The following KCNK10 variants were observed in gnomAD, a reference collection of about 807,000 sequenced individuals.
KCNK10 encodes potassium two pore domain channel subfamily K member 10.
A neutral mutation model predicts 47.7 loss-of-function variants in KCNK10; 25 were observed. That is an observed-to-expected ratio of 0.52 (90% CI 0.38 to 0.73). The LOEUF (loss-of-function observed/expected upper bound fraction) is 0.73, where lower values mean the gene tolerates loss of function less well. KCNK10 is among the 30% of genes least tolerant of loss of function. The pLI is 0.00. For synonymous variants in KCNK10, 303 were observed against 285.6 expected, an observed-to-expected ratio of 1.06 and a Z score of -0.61; for missense variants, 563 against 714.5, an observed-to-expected ratio of 0.79 and a Z score of 2.42.
intron 1 of KCNK10, among the ~76,000 whole-genome samples, chr14:88,294,348 T>C (rs8003176): frequency 0.21 from 32,005 of 152,280 alleles, 4,051 homozygotes; most frequent in East Asian, 0.53. Context: ...CTGCAGCCTT[T>C]GGCAGCCACC....
chr14:88,308,009 GA>G (rs1208118050), intron 1 of KCNK10, among the ~76,000 whole-genome samples: 1 of 152,172 alleles, frequency 6.6e-6, no homozygotes, highest in Admixed American at 6.5e-5. Flanking sequence ...CAGACACAGA[GA>G]GGTAAGTTAG....
chr14:88,204,421 C>T (rs1371539902), intron 4 of KCNK10, among the ~76,000 whole-genome samples: 1 of 152,122 alleles, frequency 6.6e-6, no homozygotes, highest in Non-Finnish European at 1.5e-5. Flanking sequence ...GGAATGTTTG[C>T]CAAAGGTGGC....
intron 4 of KCNK10, among the ~76,000 whole-genome samples, chr14:88,221,335 C>T (rs899692712): frequency 2.9e-4 from 33 of 113,104 alleles, no homozygotes; most frequent in Non-Finnish European, 4.7e-4. Context: ...TAATACATTA[C>T]ACATTATACA....
At chr14:88,244,018 C>G (rs1396502721) in intron 2 of KCNK10, among the ~76,000 whole-genome samples, 1 of 152,082 alleles carries the variant, frequency 6.6e-6, no homozygotes, top group Middle Eastern at 3.4e-3. Context: ...CACTGATGAT[C>G]TGAACTAACT....
intron 1 of KCNK10, among the ~76,000 whole-genome samples, chr14:88,282,356 T>C (rs954986269): frequency 2.0e-5 from 3 of 152,080 alleles, no homozygotes; most frequent in Non-Finnish European, 4.4e-5. Flanking sequence ...TTACAAGAGG[T>C]TCTCTGGAAG....
intron 1 of KCNK10, among the ~76,000 whole-genome samples, chr14:88,320,081 T>G (rs1206091995): frequency 2.0e-5 from 3 of 152,144 alleles, no homozygotes; most frequent in Non-Finnish European, 4.4e-5. Context: ...TGGGAATAAC[T>G]GTGCACAAAG....
intron 1 of KCNK10, among the ~76,000 whole-genome samples, chr14:88,275,585 A>G (rs986256130): frequency 1.1e-4 from 17 of 151,020 alleles, no homozygotes; most frequent in Admixed American, 2.7e-4. Flanking sequence ...GCAGTGGCTC[A>G]TGCTTGTCAT....
chr14:88,221,965 A>G (rs1266814139), intron 4 of KCNK10, among the ~76,000 whole-genome samples: 1 of 152,256 alleles, frequency 6.6e-6, no homozygotes, highest in South Asian at 2.1e-4. Flanking sequence ...TACATACAGT[A>G]TGATTGCAAC....
intron 1 of KCNK10, among the ~76,000 whole-genome samples, chr14:88,319,326 GC>G (rs1179082932): frequency 6.6e-6 from 1 of 152,144 alleles, no homozygotes; most frequent in East Asian, 1.9e-4. Context: ...AATTACAACT[GC>G]CTTCCAGAAC....
intron 4 of KCNK10, among the ~76,000 whole-genome samples, chr14:88,219,834 T>C (rs1885739862): frequency 6.6e-6 from 1 of 152,160 alleles, no homozygotes; most frequent in African/African-American, 2.4e-5. Context: ...AAGTTTCCAG[T>C]GGATGCCGAT....
chr14:88,227,692 T>C (rs773553953), intron 3 of KCNK10, among the ~76,000 whole-genome samples, 157 bp from the exon 4 acceptor site: 11 of 152,214 alleles, frequency 7.2e-5, no homozygotes, highest in Non-Finnish European at 1.3e-4. Flanking sequence ...CGCAACATTG[T>C]TCCATTGCTT....
chr14:88,234,101 C>T (rs1435730169), intron 3 of KCNK10, among the ~76,000 whole-genome samples: 3 of 152,296 alleles, frequency 2.0e-5, no homozygotes, highest in Non-Finnish European at 2.9e-5. Flanking sequence ...ACTACAGCAA[C>T]GCCCTCTGGT....
chr14:88,213,921 T>TTTATTATTA (rs35954048), intron 4 of KCNK10, among the ~76,000 whole-genome samples: 12,035 of 126,310 alleles, frequency 0.095, 715 homozygotes, highest in African/African-American at 0.15. Flanking sequence ...TTTATTTTAC[T>TTTATTATTA]TTATTATTAT....
intron 4 of KCNK10, among the ~76,000 whole-genome samples, chr14:88,192,713 C>T (rs1222222856): frequency 6.6e-6 from 1 of 152,138 alleles, no homozygotes; most frequent in Non-Finnish European, 1.5e-5. Context: ...TGACTGCAGC[C>T]CAAATGCTGA....
rs1035629807 is a variant in KCNK10 at position 88,299,943 on chromosome 14, T to A, written c.52+22804A>T. Reference sequence around the variant, plus strand: ...GGCCGACGTTTAAGAAACCCTTCCCTAACTGGGCCTGAATCTGGTTTTGCT... The same window carrying A: ...GGCCGACGTTTAAGAAACCCTTCCCAAACTGGGCCTGAATCTGGTTTTGCT... On this transcript the variant is annotated intron_variant, in intron 1 of 6. Coordinates refer to ENST00000319231, the MANE Select transcript of KCNK10 (RefSeq NM_138317.3). 2.0e-5 allele frequency among the ~76,000 whole-genome samples: 3 copies of A among 152,316 alleles called. No homozygotes were observed. In the East Asian group the frequency reaches 5.8e-4, roughly 29 times the overall value.
intron 4 of KCNK10, among the ~76,000 whole-genome samples, chr14:88,212,757 A>C (rs1235258509): frequency 6.6e-6 from 1 of 152,200 alleles, no homozygotes; most frequent in Non-Finnish European, 1.5e-5. Context: ...TTAGGTCAAA[A>C]CTTATGATGC....
Position 88,225,337 on chromosome 14 carries a change from C to T in KCNK10, c.681+2038G>A, listed in dbSNP as rs866069640. Among the ~76,000 whole-genome samples, 20 of 152,198 alleles carry T rather than the reference C, an allele frequency of 1.3e-4. No individual in the cohort carries two copies. The South Asian group carries it at 1.4e-3, about 11-fold the overall frequency. ...CCAATTCAATAATATGCAACTGTCTCGCCTTCCTAAAAGAATCTTGATCTT... is the reference window on the plus strand; with the variant it reads ...CCAATTCAATAATATGCAACTGTCTTGCCTTCCTAAAAGAATCTTGATCTT... On this transcript the variant is annotated intron_variant, in intron 4 of 6. Coordinates refer to ENST00000319231, the MANE Select transcript of KCNK10 (RefSeq NM_138317.3).
chr14:88,303,534 G>T (rs1192115747), intron 1 of KCNK10, among the ~76,000 whole-genome samples: 2 of 152,104 alleles, frequency 1.3e-5, no homozygotes, highest in East Asian at 3.9e-4. Context: ...GCGGGATCAA[G>T]GGGGATGACA....
Position 88,192,362 on chromosome 14 carries a change from A to C in KCNK10, c.730T>G (p.Phe244Val), listed in dbSNP as rs758054078. Residue 244 changes from phenylalanine to valine, a missense_variant, in exon 5 of 7, where the codon TTC (phenylalanine) becomes GTC (valine). Transcript: ENST00000319231. ...TKIRVISTIL[F>V]ILAGCIVFVT... ...AACACAATGCAGCCGGCCAAGATGAACAGGATGGTTGAGATGACCCGGATC... is the reference window on the plus strand; with the variant it reads ...AACACAATGCAGCCGGCCAAGATGACCAGGATGGTTGAGATGACCCGGATC... 3.1e-6 allele frequency: 5 copies of C among 1,614,156 alleles called. No homozygotes were observed. In the South Asian group the frequency reaches 5.5e-5, roughly 18 times the overall value.
Sources: allele counts gnomAD v4.1 joint callset (sites outside exome capture counted in the v4.1 genomes callset), GRCh38; gene constraint gnomAD v4.1.1; transcripts MANE v1.5; gene names NCBI Gene and HGNC (gene_info 2026-07-23, HGNC 2026-07-21).